Variants in RCC1 observed in about 807,000 individuals in gnomAD.
RCC1 encodes the protein regulator of chromosome condensation 1.
Under a neutral mutation model 44.4 loss-of-function variants are expected in RCC1, and 11 were observed. The observed-to-expected ratio is 0.25, with a 90% CI of 0.16 to 0.41. The LOEUF is 0.41. Ranked by LOEUF, RCC1 falls within the 10% of genes least tolerant of loss-of-function variation. The pLI is 1.00. For synonymous variants in RCC1, 213 were observed against 216.5 expected (o/e 0.98, Z 0.14); for missense variants, 386 against 547.1 (o/e 0.71, Z 2.94).
In RCC1 at chr1:28,538,936, G is replaced by T. The variant is rs1664726083; in HGVS notation, c.*929G>T. 6.6e-6 allele frequency: 1 copy of T among 152,178 alleles called. No homozygotes were observed. The highest frequency in any genetic ancestry group is 2.1e-4 in the South Asian group (1 of 4,832). The allele number at this position is 152,178 out of a possible 1,614,324, so 9.4% of individuals were successfully genotyped here. ...ATTTTTTTAATTGTAAAATATTTTG[G>T]AGGGAGAACAAAATCTTTTAACATT... is the stretch of plus-strand genomic sequence containing the variant. On this transcript the variant is annotated 3_prime_UTR_variant, in exon 13 of 13. Transcript: ENST00000683442.
At chr1:28,530,060 C>G in intron 5 of RCC1, 121 bp downstream of exon 5, 3 of 703,604 alleles carry the variant, frequency 4.3e-6, no homozygotes, top group Non-Finnish European at 4.7e-6. Context: ...AGAGACCCCA[C>G]CCAGCTGGAA....
chr1:28,509,216 CT>C (rs1417054007), intron 3 of RCC1: 4 of 272,412 alleles, frequency 1.5e-5, no homozygotes, highest in African/African-American at 2.3e-5. Context: ...CTCATTCATA[CT>C]TTAAGAACCA....
At chr1:28,537,414 C>T (rs1347553542) in intron 12 of RCC1, among the ~76,000 whole-genome samples, 2 of 152,152 alleles carry the variant, frequency 1.3e-5, no homozygotes, top group Non-Finnish European at 2.9e-5. Flanking sequence ...CTGGAGCTGG[C>T]AGAGGTGCTT....
At chr1:28,524,331 T>C (rs2124637364) in intron 4 of RCC1, among the ~76,000 whole-genome samples, 1 of 152,314 alleles carries the variant, frequency 6.6e-6, no homozygotes, top group South Asian at 2.1e-4. Flanking sequence ...CCTGGGAGTC[T>C]TTGTGTTTGG....
chr1:28,530,503 AC>A, intron 5 of RCC1: 1 of 1,594,352 alleles, frequency 6.3e-7, no homozygotes, highest in East Asian at 2.2e-5. Context: ...CCACGCTCAG[AC>A]AGTGTCTGTC....
intron 12 of RCC1, among the ~76,000 whole-genome samples, chr1:28,537,142 T>C (rs1387347038): frequency 6.6e-6 from 1 of 152,074 alleles, no homozygotes; most frequent in Non-Finnish European, 1.5e-5. Context: ...GAGTGAGATA[T>C]CACTGAGGCC....
rs746802165 is a variant in RCC1 at position 28,537,000 on chromosome 1, G to A, written c.1090+101G>A. On this transcript the variant is annotated intron_variant, in intron 12 of 12. Coordinates refer to ENST00000683442, the MANE Select transcript of RCC1 (RefSeq NM_001381865.2). The surrounding 1 kb of genome is among the most constrained non-coding windows in gnomAD (Gnocchi z 4.9). ...TGATGTCCACTCTCGGGGGAGCCGA[G>A]GTACAGAGAGCAGTGTTTGTGATGG... The A allele has an allele frequency of 9.3e-4, 1,229 of 1,319,742 alleles. 1 individual carries two copies. Among genetic ancestry groups the A allele is most frequent in the Non-Finnish European group, 1.2e-3 (1,162 of 947,978 alleles). The allele number at this position is 1,319,742 out of a possible 1,614,324, so 81.8% of individuals were successfully genotyped here. A position where few individuals can be genotyped will look rare whatever the true frequency, so the allele number is the denominator to read the frequency against.
rs139141175 is a variant in RCC1 at position 28,516,759 on chromosome 1, C to CAG, written c.-102_-101dup. On this transcript the variant is annotated 5_prime_UTR_variant, in exon 4 of 13. The change abolishes the stop of an existing upstream ORF in the 5' untranslated region. Transcript: ENST00000683442. ...TGTGTAAGATCTTGGAGGAAGACAG[C>CAG]AGAGAGAGAGAGAGAGATCAGAGAT... The CAG allele has an allele frequency of 7.3e-4, 308 of 422,782 alleles. No individual in the cohort carries two copies. The highest frequency in any genetic ancestry group is 1.2e-3 in the East Asian group (16 of 13,522). The allele number at this position is 422,782 out of a possible 1,614,324, so 26.2% of individuals were successfully genotyped here.
intron 1 of RCC1, chr1:28,507,600 CTTTTTT>C (rs34452349): frequency 1.4e-3 from 491 of 347,200 alleles, no homozygotes; most frequent in Non-Finnish European, 1.7e-3. Flanking sequence ...GGATTGAAGT[CTTTTTT>C]TTTTTTTTTT....
chr1:28,523,391 C>T (rs781293040), intron 4 of RCC1, among the ~76,000 whole-genome samples: 2 of 152,188 alleles, frequency 1.3e-5, no homozygotes, highest in Admixed American at 1.3e-4. Flanking sequence ...TCTTGGCCTT[C>T]TCTTCCAATC....
intron 3 of RCC1, among the ~76,000 whole-genome samples, chr1:28,514,098 C>G (rs1224704293): frequency 6.7e-6 from 1 of 150,004 alleles, no homozygotes; most frequent in Non-Finnish European, 1.5e-5. Flanking sequence ...AACCTGGAAG[C>G]AGAGGTTGCA....
chr1:28,507,098 T>G, intron 1 of RCC1: 1 of 226,246 alleles, frequency 4.4e-6, no homozygotes, highest in South Asian at 5.2e-5. Context: ...AATTAACAAG[T>G]CCACGTGTTT....
chr1:28,509,496 C>G (rs1255755110), intron 3 of RCC1: 1 of 153,344 alleles, frequency 6.5e-6, no homozygotes, highest in Non-Finnish European at 1.5e-5. Context: ...ACCTCAGCCT[C>G]CTAAAGTGCT....
chr1:28,506,434 C>T (rs542995461), intron 1 of RCC1: 3 of 343,494 alleles, frequency 8.7e-6, no homozygotes, highest in South Asian at 2.2e-5. Flanking sequence ...ATCCACCACC[C>T]TCGGCCTTCC....
In RCC1 at chr1:28,536,403, C is replaced by A; in HGVS notation, c.937+22C>A. On this transcript the variant is annotated intron_variant, in intron 11 of 12. Transcript: ENST00000683442. This position sits in a 1 kb window ranked among gnomAD's most constrained non-coding sequence, Gnocchi z 4.9. ...GAAGGTAGGGCCTTTACGTCCTTCT[C>A]TAGTTTGGGGGTGGAGTGTTCCCTG... The A allele has an allele frequency of 1.9e-6, 3 of 1,609,666 alleles. No homozygotes were observed. Among genetic ancestry groups the A allele is most frequent in the South Asian group, 2.2e-5 (2 of 90,614 alleles).
intron 7 of RCC1, among the ~76,000 whole-genome samples, chr1:28,532,911 GT>G (rs1210200008): frequency 2.0e-5 from 3 of 152,228 alleles, no homozygotes; most frequent in South Asian, 2.1e-4. Context: ...TGCCTCCCAA[GT>G]TTAAGTGATT....
chr1:28,535,263 G>T lies in RCC1; in HGVS notation c.544G>T (p.Asp182Tyr). The T allele has an allele frequency of 1.9e-6, 3 of 1,614,144 alleles. No homozygotes were observed. The highest frequency in any genetic ancestry group is 2.2e-5 in the South Asian group (2 of 91,020). Reference sequence around the variant, plus strand: ...CCTTACCTTTTCATCCTTAGGAAACGACCACTTGGTGATGCTGACAGCTGA... The same window carrying T: ...CCTTACCTTTTCATCCTTAGGAAACTACCACTTGGTGATGCTGACAGCTGA... ...VPVVKVASGN[D>Y]HLVMLTADGD... Residue 182 changes from aspartate (D) to tyrosine (Y), a missense_variant, in exon 9 of 13, where the codon GAC (aspartate) becomes TAC (tyrosine). Transcript: ENST00000683442.
At position 28,538,285 on chromosome 1, in the gene RCC1, C is replaced by G. The variant is rs1664682409; in HGVS notation, c.*278C>G. ...ATGGTTAGACGTTTCTCCCCTTTTCCCTACCTTCCATGGTCCTGGTTGGCC... is the reference window on the plus strand; with the variant it reads ...ATGGTTAGACGTTTCTCCCCTTTTCGCTACCTTCCATGGTCCTGGTTGGCC... On this transcript the variant is annotated 3_prime_UTR_variant, in exon 13 of 13. Coordinates refer to ENST00000683442, the MANE Select transcript of RCC1 (RefSeq NM_001381865.2). 4.0e-6 allele frequency: 1 copy of G among 250,872 alleles called. No homozygotes were observed. Among genetic ancestry groups the G allele is most frequent in the African/African-American group, 2.2e-5 (1 of 44,498 alleles). 15.5% of individuals were successfully genotyped at this position (250,872 alleles called of 1,614,324 possible).
Position 28,536,596 on chromosome 1 carries a change from C to T in RCC1, c.938-151C>T. 5 of 1,140,304 alleles carry T rather than the reference C, an allele frequency of 4.4e-6. No homozygotes were observed. Among genetic ancestry groups the T allele is most frequent in the Non-Finnish European group, 6.3e-6 (5 of 798,928 alleles). The allele number at this position is 1,140,304 out of a possible 1,614,324, so 70.6% of individuals were successfully genotyped here. On this transcript the variant is annotated intron_variant, in intron 11 of 12. Transcript: ENST00000683442. This position sits in a 1 kb window ranked among gnomAD's most constrained non-coding sequence, Gnocchi z 4.9. The stretch of plus-strand genomic sequence containing the variant: ...CCATGTAGATTCTCCTAGGCCTCCT[C>T]CAAAACTGGGAAGAGACACTGCAGA...
Sources: gnomAD v4.1 joint callset for allele counts (sites outside exome capture counted in the v4.1 genomes callset) on GRCh38, gnomAD v4.1.1 for gene constraint, Gnocchi (gnomAD v3.1) non-coding constraint, MANE v1.5 for transcripts, NCBI Gene and HGNC (gene_info 2026-07-23, HGNC 2026-07-21) for gene names.